SATB2: variants seen among roughly 807,000 people sequenced by gnomAD.
SATB2 encodes SATB homeobox 2, also known as DNA-binding protein SATB2.
SATB2 carries 1 observed loss-of-function variant against 73.4 expected under a neutral mutation model. That is an observed-to-expected ratio of 0.01 (90% CI 0.00 to 0.06). The LOEUF (loss-of-function observed/expected upper bound fraction) is 0.06, where lower values mean the gene tolerates loss of function less well. Among genes scored for constraint, SATB2 ranks in the 10% least tolerant of loss-of-function variants. The probability of loss-of-function intolerance (pLI) is 1.00; values close to 1 mark genes in which losing one functional copy is unlikely to be tolerated. For missense variants in SATB2, 459 were observed against 945.8 expected (o/e 0.49, Z 6.75); for synonymous variants, 397 against 367.0 (o/e 1.08, Z -0.93).
intron 2 of SATB2, among the ~76,000 whole-genome samples, chr2:199,434,286 G>C (rs533814659): frequency 6.6e-6 from 1 of 152,012 alleles, no homozygotes; most frequent in African/African-American, 2.4e-5. Context: ...ATCTTTTCTT[G>C]TGTTTTCAGA....
chr2:199,343,135 C>T (rs1559172032), intron 7 of SATB2, among the ~76,000 whole-genome samples: 1 of 138,964 alleles, frequency 7.2e-6, no homozygotes, highest in Non-Finnish European at 1.6e-5. Flanking sequence ...CACACACACA[C>T]ACATACACGA....
intron 3 of SATB2, chr2:199,395,995 T>C (rs1382404006): frequency 6.6e-6 from 1 of 152,194 alleles, no homozygotes; most frequent in East Asian, 1.9e-4. Context: ...TACTCCTCCA[T>C]GGGCAAGAAA....
At chr2:199,274,439 C>G (rs1023653404) in intron 10 of SATB2, among the ~76,000 whole-genome samples, 1 of 152,142 alleles carries the variant, frequency 6.6e-6, no homozygotes, top group Non-Finnish European at 1.5e-5. Context: ...GTGAAACTGT[C>G]AGTCTTTTAT....
At position 199,348,530 on chromosome 2, in the gene SATB2, G is replaced by A. The variant is rs189253866; in HGVS notation, c.1173+171C>T. ...ATTAATCAATTAGTTAATTAATCAT[G>A]GTCATGCATGGATCAATGGTAATAG... On this transcript the variant is annotated intron_variant, in intron 7 of 10. Transcript: ENST00000417098. 2.1e-4 allele frequency: 140 copies of A among 659,164 alleles called. No individual in the cohort carries two copies. In the African/African-American group the frequency reaches 2.4e-3, roughly 11 times the overall value. The allele number at this position is 659,164 out of a possible 1,614,324, so 40.8% of individuals were successfully genotyped here.
intron 7 of SATB2, among the ~76,000 whole-genome samples, chr2:199,343,383 T>C (rs572275419): frequency 6.6e-6 from 1 of 152,362 alleles, no homozygotes; most frequent in South Asian, 2.1e-4. Flanking sequence ...ACAATGTTTA[T>C]TTTTGTTTAT....
chr2:199,442,460 G>A (rs1158879998), intron 2 of SATB2, among the ~76,000 whole-genome samples: 3 of 152,200 alleles, frequency 2.0e-5, no homozygotes, highest in Non-Finnish European at 4.4e-5. Flanking sequence ...AGCCACGGGG[G>A]TCTTGTCGGC....
At chr2:199,341,558 A>G (rs963404986) in intron 7 of SATB2, among the ~76,000 whole-genome samples, 1 of 152,196 alleles carries the variant, frequency 6.6e-6, no homozygotes, top group Non-Finnish European at 1.5e-5. Context: ...TTCAATATCC[A>G]TAAGTCAGTC....
chr2:199,387,732 T>C (rs1415924626), intron 3 of SATB2, among the ~76,000 whole-genome samples: 1 of 152,150 alleles, frequency 6.6e-6, no homozygotes, highest in African/African-American at 2.4e-5. Flanking sequence ...AAATATAGAG[T>C]ACCAATCTAC....
upstream of SATB2, among the ~76,000 whole-genome samples, chr2:199,460,918 G>C (rs1692460929): frequency 6.6e-6 from 1 of 152,128 alleles, no homozygotes; most frequent in Non-Finnish European, 1.5e-5. This position sits in a 1 kb window ranked among gnomAD's most constrained non-coding sequence, Gnocchi z 4.0. Context: ...GTACATTGTG[G>C]TTAGTTTGTT....
At chr2:199,363,565 T>A (rs1191954516) in intron 6 of SATB2, among the ~76,000 whole-genome samples, 1 of 152,186 alleles carries the variant, frequency 6.6e-6, no homozygotes, top group African/African-American at 2.4e-5. Context: ...TTTTTTGAGA[T>A]CTATTGTACA....
At chr2:199,301,292 A>T (rs2105757917) in intron 10 of SATB2, among the ~76,000 whole-genome samples, 1 of 152,174 alleles carries the variant, frequency 6.6e-6, no homozygotes, top group South Asian at 2.1e-4. Context: ...AGTCATATGA[A>T]TCTCTCTTGA....
upstream of SATB2, among the ~76,000 whole-genome samples, chr2:199,462,027 C>T (rs1574651958): frequency 6.6e-6 from 1 of 152,280 alleles, no homozygotes; most frequent in South Asian, 2.1e-4. This position sits in a 1 kb window ranked among gnomAD's most constrained non-coding sequence, Gnocchi z 5.9. Context: ...CTCGCCTGGG[C>T]CATCCCGGGC....
chr2:199,433,114 G>A (rs1691551711), intron 3 of SATB2, among the ~76,000 whole-genome samples: 1 of 152,128 alleles, frequency 6.6e-6, no homozygotes, highest in African/African-American at 2.4e-5. Context: ...ATCTATGATC[G>A]GTTTGAAATG....
intron 5 of SATB2, among the ~76,000 whole-genome samples, chr2:199,372,849 G>A (rs910164866): frequency 7.2e-5 from 11 of 152,100 alleles, no homozygotes; most frequent in East Asian, 1.9e-4. Flanking sequence ...AGAAAACTAC[G>A]GAACCTAAAG....
rs776980283 is a variant in SATB2, at chr2:199,309,060, A to C, written c.1543-103T>G. The C allele has an allele frequency of 4.0e-6, 4 of 996,568 alleles. No homozygotes were observed. In the African/African-American group the frequency reaches 6.4e-5, roughly 16 times the overall value. 61.7% of individuals were successfully genotyped at this position (996,568 alleles called of 1,614,324 possible). Reference sequence around the variant, plus strand: ...CATCACAGTACATCTTTTTCTGTCAAAATTGTTCCTGCCAACGTGGGGAGA... The same window carrying C: ...CATCACAGTACATCTTTTTCTGTCACAATTGTTCCTGCCAACGTGGGGAGA... On this transcript the variant is annotated intron_variant, in intron 9 of 10. Coordinates refer to ENST00000417098, the MANE Select transcript of SATB2 (RefSeq NM_001172509.2).
At chr2:199,309,045 C>T in intron 9 of SATB2, 88 bp from the exon 10 acceptor site, 1 of 1,078,640 alleles carries the variant, frequency 9.3e-7, no homozygotes, top group Non-Finnish European at 1.4e-6. Flanking sequence ...CATCACAGTA[C>T]ATCTTTTTCT....
intron 2 of SATB2, among the ~76,000 whole-genome samples, chr2:199,446,414 C>G (rs1691963731): frequency 6.6e-6 from 1 of 151,694 alleles, no homozygotes; most frequent in Non-Finnish European, 1.5e-5. Context: ...CTAAAGAAAC[C>G]CTTTTAAAAC....
upstream of SATB2, among the ~76,000 whole-genome samples, chr2:199,458,943 T>C (rs532735980): frequency 3.5e-4 from 53 of 152,122 alleles, no homozygotes; most frequent in African/African-American, 1.2e-3. Flanking sequence ...AGTCGGGGTG[T>C]CCCGAATGCC....
At chr2:199,379,558 A>C (rs1269898666) in intron 5 of SATB2, among the ~76,000 whole-genome samples, 1 of 152,140 alleles carries the variant, frequency 6.6e-6, no homozygotes, top group Non-Finnish European at 1.5e-5. Flanking sequence ...TAGGCAGTGA[A>C]TGTAAGTGCT....
Sources: gnomAD v4.1 joint callset for allele counts (sites outside exome capture counted in the v4.1 genomes callset) on GRCh38, gnomAD v4.1.1 for gene constraint, Gnocchi (gnomAD v3.1) non-coding constraint, MANE v1.5 for transcripts, NCBI Gene and HGNC (gene_info 2026-07-23, HGNC 2026-07-21) for gene names.